SCAMP1: variants seen among roughly 807,000 people sequenced by gnomAD.
The protein encoded by SCAMP1 is secretory carrier membrane protein 1, also known as secretory carrier-associated membrane protein 1.
SCAMP1 carries 15 observed loss-of-function variants against 41.8 expected under a neutral mutation model. That is an observed-to-expected ratio of 0.36 (90% CI 0.24 to 0.55). SCAMP1 has a LOEUF of 0.55. Among genes scored for constraint, SCAMP1 ranks in the 20% least tolerant of loss-of-function variants. SCAMP1 has a pLI of 0.86. For missense variants in SCAMP1, 341 were observed against 412.6 expected (o/e 0.83, Z 1.50); for synonymous variants, 135 against 136.8 (o/e 0.99, Z 0.09).
At chr5:78,419,012 A>G (rs1752274668) in intron 5 of SCAMP1, 109 bp downstream of exon 5, 2 of 857,740 alleles carry the variant, frequency 2.3e-6, no homozygotes, top group Non-Finnish European at 3.5e-6. Context: ...TTTTCTATAG[A>G]TAAAGCTTAA....
At chr5:78,460,209 A>G (rs1753549412) in intron 8 of SCAMP1, among the ~76,000 whole-genome samples, 1 of 152,232 alleles carries the variant, frequency 6.6e-6, no homozygotes, top group Non-Finnish European at 1.5e-5. Flanking sequence ...TGCTGCAATA[A>G]GCATATGAGT....
intron 2 of SCAMP1, among the ~76,000 whole-genome samples, chr5:78,397,614 C>T (rs965131505): frequency 6.6e-6 from 1 of 152,062 alleles, no homozygotes; most frequent in Non-Finnish European, 1.5e-5. Flanking sequence ...TAAATTATTA[C>T]AGTTCAATAT....
Position 78,442,549 on chromosome 5 carries a change from G to A in SCAMP1, c.633-7384G>A, listed in dbSNP as rs145887375. 9.9e-5 allele frequency among the ~76,000 whole-genome samples: 15 copies of A among 152,248 alleles called. No individual in the cohort carries two copies. The East Asian group carries it at 2.3e-3, about 24-fold the overall frequency. On this transcript the variant is annotated intron_variant, in intron 6 of 8. Coordinates refer to ENST00000621999, the MANE Select transcript of SCAMP1 (RefSeq NM_004866.6). The stretch of plus-strand genomic sequence containing the variant: ...GCTGGGATTACAGGTGTGAGCCACC[G>A]CGCCCGGCTGAGTTTTGTTTTATAA...
At chr5:78,457,448 A>G (rs576027060) in intron 7 of SCAMP1, among the ~76,000 whole-genome samples, 1,953 of 150,324 alleles carry the variant, frequency 0.013, 12 homozygotes, top group African/African-American at 0.022. Flanking sequence ...CCTGTCGTGT[A>G]AGGTGTCAGT....
chr5:78,440,228 G>A (rs1025770338), intron 6 of SCAMP1, among the ~76,000 whole-genome samples: 8 of 152,092 alleles, frequency 5.3e-5, no homozygotes, highest in African/African-American at 9.7e-5. Context: ...GTCATTCTCC[G>A]TTCAGCTTTG....
chr5:78,389,856 T>C (rs188226054), intron 2 of SCAMP1, among the ~76,000 whole-genome samples: 108 of 152,172 alleles, frequency 7.1e-4, no homozygotes, highest in Non-Finnish European at 1.3e-3. Context: ...TCCAATACTT[T>C]TGTTACCTTG....
intron 8 of SCAMP1, among the ~76,000 whole-genome samples, chr5:78,469,938 A>AAAAAAAAAAAAAAAT (rs1330437108): frequency 3.6e-5 from 3 of 84,194 alleles, no homozygotes; most frequent in African/African-American, 4.8e-5. Flanking sequence ...AAAAACAACA[A>AAAAAAAAAAAAAAAT]CACAGCCCAG....
At chr5:78,452,550 G>T (rs1214591197) in intron 7 of SCAMP1, among the ~76,000 whole-genome samples, 2 of 139,606 alleles carry the variant, frequency 1.4e-5, no homozygotes, top group East Asian at 4.1e-4. Flanking sequence ...AGTATTCCAT[G>T]GTGTATATGT....
intron 7 of SCAMP1, among the ~76,000 whole-genome samples, chr5:78,454,413 A>G (rs1281893264): frequency 3.3e-5 from 5 of 152,078 alleles, no homozygotes; most frequent in Admixed American, 1.3e-4. Flanking sequence ...ATTTTGTCAA[A>G]GGCTTTTTCT....
intron 8 of SCAMP1, among the ~76,000 whole-genome samples, chr5:78,465,540 G>A (rs1375261661): frequency 1.3e-5 from 2 of 152,190 alleles, no homozygotes. Context: ...AATGGGAAGA[G>A]TAACCACTTT....
chr5:78,436,421 C>T (rs532631537), intron 6 of SCAMP1, among the ~76,000 whole-genome samples: 28 of 152,274 alleles, frequency 1.8e-4, no homozygotes, highest in African/African-American at 3.6e-4. Flanking sequence ...GGAAGGGATC[C>T]GGTTTCAGCT....
chr5:78,438,542 C>T (rs1478837966), intron 6 of SCAMP1, among the ~76,000 whole-genome samples: 11 of 152,164 alleles, frequency 7.2e-5, no homozygotes, highest in Admixed American at 7.2e-4. Flanking sequence ...GATTCTTAAT[C>T]CTGAGTTCCA....
chr5:78,415,653 C>A, intron 3 of SCAMP1, 35 bp downstream of exon 3: 3 of 1,234,810 alleles, frequency 2.4e-6, no homozygotes, highest in East Asian at 2.5e-5. Context: ...TTCATATTGG[C>A]CATTATAATA....
intron 1 of SCAMP1, among the ~76,000 whole-genome samples, chr5:78,387,707 C>T (rs937078920): frequency 6.6e-6 from 1 of 152,126 alleles, no homozygotes; most frequent in Admixed American, 6.5e-5. Flanking sequence ...GAGAGCTGAA[C>T]TACAGTGATT....
At chr5:78,368,706 A>G (rs1231563586) in intron 1 of SCAMP1, among the ~76,000 whole-genome samples, 1 of 152,200 alleles carries the variant, frequency 6.6e-6, no homozygotes, top group Non-Finnish European at 1.5e-5. Context: ...GACTGGAATC[A>G]AGTTCTAGGA....
At chr5:78,435,494 C>T (rs9763867) in intron 6 of SCAMP1, among the ~76,000 whole-genome samples, 10 of 152,298 alleles carry the variant, frequency 6.6e-5, no homozygotes, top group African/African-American at 1.7e-4. Context: ...TCTGTCCTTG[C>T]GATAGTTTGC....
chr5:78,452,946 C>T (rs1395431040), intron 7 of SCAMP1, among the ~76,000 whole-genome samples: 1 of 149,170 alleles, frequency 6.7e-6, no homozygotes, highest in Non-Finnish European at 1.5e-5. Flanking sequence ...CACTGATGAG[C>T]ATTTTTTCAT....
chr5:78,440,826 G>A (rs991948357), intron 6 of SCAMP1, among the ~76,000 whole-genome samples: 1 of 152,230 alleles, frequency 6.6e-6, no homozygotes, highest in African/African-American at 2.4e-5. Flanking sequence ...ACGGAGGCAG[G>A]CAGGCCTCCT....
At chr5:78,407,170 T>C (rs6453384) in intron 2 of SCAMP1, among the ~76,000 whole-genome samples, 5,161 of 152,326 alleles carry the variant, frequency 0.034, 320 homozygotes, top group African/African-American at 0.11. Context: ...TCTTCCTTTT[T>C]GCATCTCAAA....
Sources: gnomAD v4.1 joint callset for allele counts (sites outside exome capture counted in the v4.1 genomes callset) on GRCh38, gnomAD v4.1.1 for gene constraint, MANE v1.5 for transcripts, NCBI Gene and HGNC (gene_info 2026-07-23, HGNC 2026-07-21) for gene names.